The following PPP3CA variants were observed in gnomAD, a reference collection of about 807,000 sequenced individuals.
PPP3CA encodes the protein CAM-PRP catalytic subunit.
PPP3CA carries 14 observed loss-of-function variants against 66.5 expected under a neutral mutation model. The observed-to-expected ratio is 0.21, with a 90% CI of 0.14 to 0.33. PPP3CA has a LOEUF of 0.33. Among genes scored for constraint, PPP3CA ranks in the 10% least tolerant of loss-of-function variants. PPP3CA has a pLI of 1.00. For missense variants in PPP3CA, 317 were observed against 639.5 expected (o/e 0.50, Z 5.44); for synonymous variants, 232 against 226.2 (o/e 1.03, Z -0.23).
At chr4:101,304,472 A>G (rs1728475685) in intron 1 of PPP3CA, among the ~76,000 whole-genome samples, 4 of 152,198 alleles carry the variant, frequency 2.6e-5, no homozygotes, top group African/African-American at 9.7e-5. Context: ...TACAAGGACA[A>G]TATTCCCTGT....
intron 2 of PPP3CA, among the ~76,000 whole-genome samples, chr4:101,124,412 C>T (rs1217460994): frequency 6.6e-6 from 1 of 151,804 alleles, no homozygotes; most frequent in Non-Finnish European, 1.5e-5. Flanking sequence ...GCTGAGGTTC[C>T]TAGGAGTTCC....
intron 10 of PPP3CA, among the ~76,000 whole-genome samples, chr4:101,046,277 C>T (rs943050277): frequency 1.3e-5 from 2 of 152,252 alleles, no homozygotes; most frequent in African/African-American, 4.8e-5. Flanking sequence ...AAAAATTATA[C>T]TTAAATATCT....
intron 1 of PPP3CA, among the ~76,000 whole-genome samples, chr4:101,235,750 C>A (rs985592794): frequency 2.6e-5 from 4 of 151,816 alleles, no homozygotes; most frequent in Admixed American, 2.6e-4. Context: ...TGAGTTACTT[C>A]ATGTGTAGCT....
intron 1 of PPP3CA, among the ~76,000 whole-genome samples, chr4:101,204,995 C>T (rs1428254272): frequency 6.7e-6 from 1 of 149,650 alleles, no homozygotes; most frequent in Admixed American, 6.7e-5. Flanking sequence ...ATTATTACAA[C>T]AATATTTTCA....
At chr4:101,074,998 T>C (rs565442324) in intron 8 of PPP3CA, among the ~76,000 whole-genome samples, 14 of 152,324 alleles carry the variant, frequency 9.2e-5, no homozygotes, top group African/African-American at 1.2e-4. Flanking sequence ...AGCAAAGGCA[T>C]GTCTTATATG....
intron 6 of PPP3CA, among the ~76,000 whole-genome samples, chr4:101,086,315 G>C (rs1368296354): frequency 6.6e-6 from 1 of 152,032 alleles, no homozygotes; most frequent in Non-Finnish European, 1.5e-5. Context: ...GGGATCATCA[G>C]AAGCTGAGTG....
At chr4:101,027,233 C>A (rs995058776) in intron 13 of PPP3CA, among the ~76,000 whole-genome samples, 1 of 150,462 alleles carries the variant, frequency 6.6e-6, no homozygotes, top group Admixed American at 6.6e-5. Flanking sequence ...TTTCATGGTA[C>A]CTTTATCCTC....
chr4:101,204,548 A>G (rs1725070165), intron 1 of PPP3CA, among the ~76,000 whole-genome samples: 1 of 150,978 alleles, frequency 6.6e-6, no homozygotes, highest in African/African-American at 2.4e-5. Flanking sequence ...AGGCAGGAGA[A>G]TGGCGCAAAC....
intron 2 of PPP3CA, among the ~76,000 whole-genome samples, chr4:101,168,158 A>G (rs566021340): frequency 2.1e-4 from 32 of 152,334 alleles, no homozygotes; most frequent in African/African-American, 6.5e-4. Context: ...TGGAGAAGTG[A>G]TCAAATTCCA....
intron 1 of PPP3CA, among the ~76,000 whole-genome samples, chr4:101,251,158 T>C (rs1460724952): frequency 6.6e-6 from 1 of 151,966 alleles, no homozygotes; most frequent in Non-Finnish European, 1.5e-5. Flanking sequence ...CATGGGCTCA[T>C]AAAATTATAT....
chr4:101,304,392 C>A (rs1192836966), intron 1 of PPP3CA, among the ~76,000 whole-genome samples: 2 of 152,106 alleles, frequency 1.3e-5, no homozygotes, highest in African/African-American at 2.4e-5. Context: ...GAACCTGTTT[C>A]TGGGTTTTGC....
intron 3 of PPP3CA, among the ~76,000 whole-genome samples, chr4:101,104,620 C>T (rs1396048813): frequency 2.0e-5 from 3 of 152,084 alleles, no homozygotes; most frequent in African/African-American, 7.2e-5. Context: ...TTACATGTTC[C>T]TTGCAAAACT....
chr4:101,256,470 T>C (rs1726846613), intron 1 of PPP3CA, among the ~76,000 whole-genome samples: 1 of 151,962 alleles, frequency 6.6e-6, no homozygotes, highest in Non-Finnish European at 1.5e-5. Context: ...TGTAACTACA[T>C]GTACTTTAAA....
intron 1 of PPP3CA, among the ~76,000 whole-genome samples, chr4:101,306,705 TCTGA>T (rs1242929792): frequency 1.3e-5 from 2 of 152,172 alleles, no homozygotes; most frequent in Admixed American, 6.5e-5. Flanking sequence ...TTCTCTTTGC[TCTGA>T]CTTACTGTAA....
In PPP3CA at chr4:101,080,626, C is replaced by G; in HGVS notation, c.861G>C (p.Gly287=). 6.7e-7 allele frequency: 1 copy of G among 1,492,124 alleles called. No individual in the cohort carries two copies. Among genetic ancestry groups the G allele is most frequent in the Non-Finnish European group, 9.0e-7 (1 of 1,106,016 alleles). 92.4% of individuals were successfully genotyped at this position (1,492,124 alleles called of 1,614,324 possible). Residue 287 remains glycine, a splice_region_variant and synonymous_variant, in exon 8 of 14, where the codon GGG becomes GGC. Transcript: ENST00000394854. ...ILRAHEAQDA[G]YRMYRKSQTT... Reference sequence around the variant, plus strand: ...TTTGGCTTTTCCTGTACATGCGGTACCTAAAAAGAACAAATACAGTCAAAA... The same window carrying G: ...TTTGGCTTTTCCTGTACATGCGGTAGCTAAAAAGAACAAATACAGTCAAAA...
intron 2 of PPP3CA, among the ~76,000 whole-genome samples, chr4:101,159,021 G>A (rs1299583811): frequency 2.0e-5 from 3 of 152,270 alleles, no homozygotes; most frequent in African/African-American, 4.8e-5. Context: ...TCCTCTGGGG[G>A]TTTGGCTAAT....
At position 101,040,415 on chromosome 4, in the gene PPP3CA, T is replaced by A. The variant is rs978983580; in HGVS notation, c.1241+67A>T. 14 of 1,094,148 alleles carry A rather than the reference T, an allele frequency of 1.3e-5. No individual in the cohort carries two copies. The African/African-American group carries it at 2.1e-4, about 16-fold the overall frequency. The allele number at this position is 1,094,148 out of a possible 1,614,324, so 67.8% of individuals were successfully genotyped here. ...AAATATTTAAATTACCAGATGAAAG[T>A]ATTAAAGTATTTATTAGGTGACACA... On this transcript the variant is annotated intron_variant, in intron 11 of 13. Transcript: ENST00000394854.
chr4:101,129,800 C>CA (rs770769254), intron 2 of PPP3CA, among the ~76,000 whole-genome samples: 14 of 152,108 alleles, frequency 9.2e-5, no homozygotes, highest in Non-Finnish European at 1.5e-4. Context: ...CAAACCAGTG[C>CA]AAAAAGGCTG....
At chr4:101,259,490 G>T (rs772194360) in intron 1 of PPP3CA, among the ~76,000 whole-genome samples, 1 of 152,040 alleles carries the variant, frequency 6.6e-6, no homozygotes, top group Non-Finnish European at 1.5e-5. Flanking sequence ...TTCCTTACAG[G>T]TCAAAACTTT....
Sources: allele counts gnomAD v4.1 joint callset (sites outside exome capture counted in the v4.1 genomes callset), GRCh38; gene constraint gnomAD v4.1.1; transcripts MANE v1.5; gene names NCBI Gene and HGNC (gene_info 2026-07-23, HGNC 2026-07-21).